The following ZSCAN5A variants were observed in gnomAD, a reference collection of about 807,000 sequenced individuals.
The protein encoded by ZSCAN5A is zinc finger and SCAN domain-containing protein 5A.
A neutral mutation model predicts 23.7 loss-of-function variants in ZSCAN5A; 12 were observed. That is an observed-to-expected ratio of 0.51 (90% CI 0.32 to 0.82). ZSCAN5A has a LOEUF of 0.82. ZSCAN5A is among the 40% of genes least tolerant of loss of function. The pLI, the probability that ZSCAN5A is intolerant of heterozygous loss-of-function variation, is 0.03. For missense variants in ZSCAN5A, 597 were observed against 617.9 expected, an observed-to-expected ratio of 0.97 and a Z score of 0.36; for synonymous variants, 257 against 239.9, an observed-to-expected ratio of 1.07 and a Z score of -0.66.
At chr19:56,330,379 T>A (rs780588719) in intron 2 of ZSCAN5A, among the ~76,000 whole-genome samples, 13 of 152,360 alleles carry the variant, frequency 8.5e-5, no homozygotes, top group Non-Finnish European at 8.8e-5. Flanking sequence ...AAAGGATAGT[T>A]CTGTTTTAAG....
At chr19:56,225,830 C>T (rs2033871538) in intron 2 of ZSCAN5A, among the ~76,000 whole-genome samples, 1 of 152,180 alleles carries the variant, frequency 6.6e-6, no homozygotes, top group Admixed American at 6.5e-5. Context: ...AAAGCAACCC[C>T]ATCCCCATCA....
chr19:56,284,569 C>T (rs998298150), intron 2 of ZSCAN5A, among the ~76,000 whole-genome samples: 1 of 138,992 alleles, frequency 7.2e-6, no homozygotes, highest in East Asian at 2.1e-4. Flanking sequence ...GGCTGGAGTG[C>T]AGTGGCACAA....
chr19:56,336,395 A>G (rs2041536509), intron 2 of ZSCAN5A, among the ~76,000 whole-genome samples: 1 of 152,174 alleles, frequency 6.6e-6, no homozygotes, highest in Non-Finnish European at 1.5e-5. Flanking sequence ...AGGCTTGTGC[A>G]TTCGTCACGT....
chr19:56,300,174 T>A (rs1273915154), intron 2 of ZSCAN5A, among the ~76,000 whole-genome samples: 1 of 152,186 alleles, frequency 6.6e-6, no homozygotes, highest in East Asian at 1.9e-4. Flanking sequence ...AATAGTTTTA[T>A]TAATGGGTAA....
intron 2 of ZSCAN5A, among the ~76,000 whole-genome samples, chr19:56,251,828 G>A (rs1017884247): frequency 1.3e-5 from 2 of 152,154 alleles, no homozygotes; most frequent in Non-Finnish European, 2.9e-5. Context: ...CTTCCAAAGC[G>A]CTGGAATTAC....
chr19:56,225,302 G>A (rs2033815369), intron 2 of ZSCAN5A, 129 bp from the exon 3 acceptor site: 1 of 790,272 alleles, frequency 1.3e-6, no homozygotes, highest in Non-Finnish European at 1.8e-6. Context: ...ATCTTCCAGT[G>A]TCTATACCTG....
chr19:56,247,187 T>TA, intron 2 of ZSCAN5A: 43 of 530,796 alleles, frequency 8.1e-5, no homozygotes, highest in South Asian at 4.1e-4. Flanking sequence ...CTCTCAGACC[T>TA]CCGCGTCCAC....
chr19:56,288,360 C>A, intron 2 of ZSCAN5A, among the ~76,000 whole-genome samples: 1 of 152,190 alleles, frequency 6.6e-6, no homozygotes, highest in Admixed American at 6.5e-5. Context: ...TTTCTTCACC[C>A]AGCTAACCCC....
chr19:56,302,259 G>A (rs557587911), intron 2 of ZSCAN5A, among the ~76,000 whole-genome samples: 10 of 151,762 alleles, frequency 6.6e-5, no homozygotes, highest in East Asian at 2.0e-4. Flanking sequence ...TCTCCCACCC[G>A]CCTCCATCTC....
chr19:56,337,930 G>A (rs542340343), intron 2 of ZSCAN5A, among the ~76,000 whole-genome samples: 6 of 152,236 alleles, frequency 3.9e-5, no homozygotes, highest in South Asian at 2.1e-4. Context: ...ATGCTATTTC[G>A]TGGCTTTTTA....
rs1389838551 is a variant in ZSCAN5A, at chr19:56,221,493, G to A, written c.*82C>T. On this transcript the variant is annotated 3_prime_UTR_variant, in exon 6 of 6. Transcript: ENST00000683990. ...CTCTGTGTGTCAGACGCCCTTGCAT[G>A]TGTCAAATGTCATCTGATAACATTG... 6 of 1,495,946 alleles carry A rather than the reference G, an allele frequency of 4.0e-6. No individual in the cohort carries two copies. Among genetic ancestry groups the A allele is most frequent in the Non-Finnish European group, 4.5e-6 (5 of 1,116,180 alleles). 92.7% of individuals were successfully genotyped at this position (1,495,946 alleles called of 1,614,324 possible).
At chr19:56,254,105 G>A (rs1473947551) in intron 2 of ZSCAN5A, among the ~76,000 whole-genome samples, 2 of 150,892 alleles carry the variant, frequency 1.3e-5, no homozygotes, top group Non-Finnish European at 2.9e-5. Context: ...TTAGTGTGAG[G>A]CTAAATTTGG....
At chr19:56,268,315 G>A (rs1328240950) in intron 2 of ZSCAN5A, among the ~76,000 whole-genome samples, 1 of 152,196 alleles carries the variant, frequency 6.6e-6, no homozygotes, top group Non-Finnish European at 1.5e-5. Flanking sequence ...CCCTGTGGGT[G>A]TAATGGCCCC....
Position 56,255,932 on chromosome 19 carries a change from A to G in ZSCAN5A, c.-127-30759T>C, listed in dbSNP as rs191884583. 3.3e-5 allele frequency among the ~76,000 whole-genome samples: 5 copies of G among 152,312 alleles called. No homozygotes were observed. The East Asian group carries it at 5.8e-4, about 18-fold the overall frequency. On this transcript the variant is annotated intron_variant, in intron 2 of 5. Transcript: ENST00000683990. ...AAACAGTAATTATTGCCTGTTTCCAATCCTGAAGATAACATACATGCATGT... is the reference window on the plus strand; with the variant it reads ...AAACAGTAATTATTGCCTGTTTCCAGTCCTGAAGATAACATACATGCATGT...
At chr19:56,289,399 G>T (rs554582384) in intron 2 of ZSCAN5A, among the ~76,000 whole-genome samples, 1 of 152,248 alleles carries the variant, frequency 6.6e-6, no homozygotes, top group Admixed American at 6.5e-5. Flanking sequence ...AGAGGGGAGG[G>T]GAAATTTCAA....
intron 2 of ZSCAN5A, among the ~76,000 whole-genome samples, chr19:56,265,138 A>G (rs972509980): frequency 6.6e-6 from 1 of 151,832 alleles, no homozygotes; most frequent in Non-Finnish European, 1.5e-5. Context: ...AAATAAATAA[A>G]TTAAATAAAT....
At chr19:56,280,181 C>T (rs1409408157) in intron 2 of ZSCAN5A, among the ~76,000 whole-genome samples, 7 of 152,116 alleles carry the variant, frequency 4.6e-5, no homozygotes, top group Admixed American at 3.9e-4. Flanking sequence ...AAAAAGACAG[C>T]GTATTATACA....
At chr19:56,249,508 G>C (rs1028488152) in intron 2 of ZSCAN5A, among the ~76,000 whole-genome samples, 1 of 152,210 alleles carries the variant, frequency 6.6e-6, no homozygotes, top group Non-Finnish European at 1.5e-5. Flanking sequence ...CTGATCTTGG[G>C]TGATCTGCCT....
At chr19:56,302,029 G>A in intron 2 of ZSCAN5A, 1 of 1,231,958 alleles carries the variant, frequency 8.1e-7, no homozygotes, top group Non-Finnish European at 1.0e-6. Context: ...AGAACACGTG[G>A]AACTTCCTGA....
Sources: gnomAD v4.1 joint callset for allele counts (sites outside exome capture counted in the v4.1 genomes callset) on GRCh38, gnomAD v4.1.1 for gene constraint, MANE v1.5 for transcripts, NCBI Gene and HGNC (gene_info 2026-07-23, HGNC 2026-07-21) for gene names.